SH3RF3: variants seen among roughly 807,000 people sequenced by gnomAD.
SH3RF3 encodes SH3 domain containing ring finger 3.
A neutral mutation model predicts 66.3 loss-of-function variants in SH3RF3; 29 were observed. The observed-to-expected ratio is 0.44, with a 90% CI of 0.33 to 0.60. The LOEUF (loss-of-function observed/expected upper bound fraction) is 0.60, where lower values mean the gene tolerates loss of function less well. Among genes scored for constraint, SH3RF3 ranks in the 20% least tolerant of loss-of-function variants. The probability of loss-of-function intolerance (pLI) is 0.04; values close to 1 mark genes in which losing one functional copy is unlikely to be tolerated. For missense variants in SH3RF3, 1,194 were observed against 1,190.9 expected (o/e 1.00, Z -0.04); for synonymous variants, 583 against 532.0 (o/e 1.10, Z -1.32).
chr2:109,324,054 C>A (rs1022744855), intron 1 of SH3RF3, among the ~76,000 whole-genome samples: 30 of 152,186 alleles, frequency 2.0e-4, no homozygotes, highest in African/African-American at 7.2e-4. Flanking sequence ...TGAATGGAAG[C>A]AGATAATATG....
intron 1 of SH3RF3, among the ~76,000 whole-genome samples, chr2:109,244,912 A>G (rs1190197664): frequency 6.6e-6 from 1 of 152,178 alleles, no homozygotes; most frequent in Non-Finnish European, 1.5e-5. Flanking sequence ...TAGAAGCAAG[A>G]CAAAGTTGGC....
intron 1 of SH3RF3, among the ~76,000 whole-genome samples, chr2:109,283,315 A>G (rs949834902): frequency 4.6e-5 from 7 of 152,052 alleles, no homozygotes; most frequent in African/African-American, 1.7e-4. Flanking sequence ...GGCCTGCTGG[A>G]CACCTGCTCC....
chr2:109,374,345 G>A (rs1475799762), intron 3 of SH3RF3, among the ~76,000 whole-genome samples: 3 of 152,124 alleles, frequency 2.0e-5, no homozygotes, highest in South Asian at 2.1e-4. Context: ...ACAGGCTCCC[G>A]GACTCTCAGC....
intron 1 of SH3RF3, among the ~76,000 whole-genome samples, chr2:109,326,435 C>G (rs779719137): frequency 6.6e-6 from 1 of 152,066 alleles, no homozygotes; most frequent in African/African-American, 2.4e-5. Flanking sequence ...GATGGCTTGG[C>G]GATCAGGCAG....
At chr2:109,204,445 G>C (rs1199497141) in intron 1 of SH3RF3, among the ~76,000 whole-genome samples, 4 of 152,188 alleles carry the variant, frequency 2.6e-5, no homozygotes, top group Admixed American at 6.5e-5. Context: ...TGTAGTTTTT[G>C]TTAAAACTGG....
Position 109,129,744 on chromosome 2 carries a change from C to G in SH3RF3, c.204C>G (p.Ala68=), listed in dbSNP as rs532301572. ...SVCLERLDTT[A]KVLPCQHTFC... is the part of the protein sequence containing the mutation. ...GTCTGGAGCGCCTGGACACCACGGCCAAGGTGCTGCCATGCCAACACACTT... is the reference window on the plus strand; with the variant it reads ...GTCTGGAGCGCCTGGACACCACGGCGAAGGTGCTGCCATGCCAACACACTT... Residue 68 remains alanine (A), a synonymous_variant, in exon 1 of 10, where the codon GCC becomes GCG. Transcript: ENST00000309415. 1.9e-5 allele frequency: 29 copies of G among 1,539,402 alleles called. No individual in the cohort carries two copies. In the African/African-American group the frequency reaches 3.7e-4, roughly 20 times the overall value.
chr2:109,169,723 T>A (rs2104939472), intron 1 of SH3RF3, among the ~76,000 whole-genome samples: 1 of 150,502 alleles, frequency 6.6e-6, no homozygotes, highest in Non-Finnish European at 1.5e-5. Flanking sequence ...TCTATATATA[T>A]AACCAAAATA....
chr2:109,483,901 G>A (rs538587439), intron 8 of SH3RF3, among the ~76,000 whole-genome samples: 23 of 152,142 alleles, frequency 1.5e-4, no homozygotes, highest in Non-Finnish European at 3.1e-4. Context: ...TCTGCAGCCA[G>A]GGCCACATCC....
At chr2:109,186,180 T>G (rs1265571896) in intron 1 of SH3RF3, among the ~76,000 whole-genome samples, 1 of 152,270 alleles carries the variant, frequency 6.6e-6, no homozygotes, top group Non-Finnish European at 1.5e-5. Context: ...ATGTCATTAC[T>G]GAGATTTCTG....
chr2:109,429,884 G>A (rs1277796608), intron 5 of SH3RF3, among the ~76,000 whole-genome samples: 5 of 152,340 alleles, frequency 3.3e-5, no homozygotes, highest in African/African-American at 7.2e-5. Flanking sequence ...TGTGCAGGGA[G>A]CCTGCAGTAG....
chr2:109,482,324 T>C (rs888243263), intron 8 of SH3RF3, among the ~76,000 whole-genome samples: 20 of 152,194 alleles, frequency 1.3e-4, no homozygotes, highest in African/African-American at 3.9e-4. Flanking sequence ...TAGTCCGTTT[T>C]ACACATGAGG....
intron 1 of SH3RF3, among the ~76,000 whole-genome samples, chr2:109,317,666 G>C (rs547454993): frequency 6.6e-6 from 1 of 152,308 alleles, no homozygotes; most frequent in East Asian, 1.9e-4. Context: ...ATGACTTCAG[G>C]TACATAAATA....
At chr2:109,144,274 A>T (rs1677040699) in intron 1 of SH3RF3, among the ~76,000 whole-genome samples, 2 of 152,278 alleles carry the variant, frequency 1.3e-5, no homozygotes, top group South Asian at 4.1e-4. Context: ...TCAAATTATC[A>T]CTTGTATACC....
intron 1 of SH3RF3, among the ~76,000 whole-genome samples, chr2:109,299,366 A>G (rs1307963336): frequency 6.6e-6 from 1 of 151,790 alleles, no homozygotes; most frequent in Non-Finnish European, 1.5e-5. Context: ...CTGTGACCAC[A>G]TATTCCAGAA....
At chr2:109,431,596 C>T (rs1055765685) in intron 5 of SH3RF3, among the ~76,000 whole-genome samples, 1 of 152,164 alleles carries the variant, frequency 6.6e-6, no homozygotes, top group Non-Finnish European at 1.5e-5. Context: ...GCAAATAAGA[C>T]TTAAAATTAA....
Position 109,202,224 on chromosome 2 carries a change from G to A in SH3RF3, c.573+72111G>A, listed in dbSNP as rs116538857. Among the ~76,000 whole-genome samples, 1,070 of 152,302 alleles carry A rather than the reference G, an allele frequency of 7.0e-3. 17 individuals are homozygous for A. The highest frequency in any genetic ancestry group is 0.025 in the African/African-American group (1,024 of 41,564). ...TTGTTTCCCAAGCCACCTGTGGACT[G>A]CAGAGTGAGGATGCGGCCCCCACCT... On this transcript the variant is annotated intron_variant, in intron 1 of 9. Transcript: ENST00000309415.
intron 1 of SH3RF3, among the ~76,000 whole-genome samples, chr2:109,199,330 A>ATAAAATAAATAAAATAAAT: frequency 4.7e-5 from 7 of 150,468 alleles, no homozygotes; most frequent in Admixed American, 1.3e-4. Context: ...TCAAAAAGTA[A>ATAAAATAAATAAAATAAAT]AATGGAATGG....
chr2:109,143,586 T>G (rs58844595), intron 1 of SH3RF3, among the ~76,000 whole-genome samples: 6,164 of 151,002 alleles, frequency 0.041, 369 homozygotes, highest in African/African-American at 0.14. Flanking sequence ...CTACAAAAAA[T>G]AAAAAAAGAA....
Position 109,504,030 on chromosome 2 carries a change from G to T in SH3RF3, c.*2359G>T, listed in dbSNP as rs1298849791. 1 of 152,234 alleles carries T rather than the reference G, an allele frequency of 6.6e-6. No individual in the cohort carries two copies. The highest frequency in any genetic ancestry group is 2.1e-4 in the South Asian group (1 of 4,830). The allele number at this position is 152,234 out of a possible 1,614,324, so 9.4% of individuals were successfully genotyped here. On this transcript the variant is annotated 3_prime_UTR_variant, in exon 10 of 10. Transcript: ENST00000309415. Reference sequence around the variant, plus strand: ...AGAGCTCTGGAGCCAATGCCGGGCTGCCTGAGAGCAGAGGAAATGCATGGC... The same window carrying T: ...AGAGCTCTGGAGCCAATGCCGGGCTTCCTGAGAGCAGAGGAAATGCATGGC...
Sources: allele counts gnomAD v4.1 joint callset (sites outside exome capture counted in the v4.1 genomes callset), GRCh38; gene constraint gnomAD v4.1.1; transcripts MANE v1.5; gene names NCBI Gene and HGNC (gene_info 2026-07-23, HGNC 2026-07-21).